ANXA8: variants seen among roughly 807,000 people sequenced by gnomAD.
The protein encoded by ANXA8 is VAC-beta.
ANXA8 carries 9 observed loss-of-function variants against 26.8 expected under a neutral mutation model. The ratio of observed to expected loss-of-function variants is 0.34; its 90% CI spans 0.20 to 0.59. The LOEUF is 0.59. Ranked by LOEUF, ANXA8 falls within the 20% of genes least tolerant of loss-of-function variation. ANXA8 has a pLI of 0.84. For synonymous variants in ANXA8, 39 were observed against 94.8 expected, an observed-to-expected ratio of 0.41 and a Z score of 3.42; for missense variants, 83 against 238.5, an observed-to-expected ratio of 0.35 and a Z score of 4.29.
At chr10:47,695,701 C>A in the ANXA8 span, among the ~76,000 whole-genome samples, 1 of 151,614 alleles carries the variant, frequency 6.6e-6, no homozygotes, top group African/African-American at 2.4e-5. Flanking sequence ...ACGTTTATAC[C>A]TCTGACACTG....
the ANXA8 span, among the ~76,000 whole-genome samples, chr10:47,897,024 G>A: frequency 2.3e-5 from 3 of 132,276 alleles, no homozygotes; most frequent in South Asian, 2.6e-4. Context: ...TCTGTCTCCC[G>A]GGTTCAAGCG....
chr10:47,510,259 G>A, the ANXA8 span: 15 of 1,350,488 alleles, frequency 1.1e-5, 2 homozygotes, highest in African/African-American at 3.3e-5. Flanking sequence ...TGACTGAAAC[G>A]CTCAGTAGAT....
chr10:47,543,874 C>A, the ANXA8 span, among the ~76,000 whole-genome samples: 1 of 139,218 alleles, frequency 7.2e-6, no homozygotes, highest in African/African-American at 2.8e-5. Context: ...ACATTCATTC[C>A]ATAAGACACC....
At chr10:47,777,556 G>C in the ANXA8 span, among the ~76,000 whole-genome samples, 32 of 152,318 alleles carry the variant, frequency 2.1e-4, no homozygotes, top group East Asian at 5.6e-3. Flanking sequence ...GATAAACATG[G>C]TGGGAAACCT....
the ANXA8 span, among the ~76,000 whole-genome samples, chr10:47,671,403 C>T: frequency 6.6e-6 from 1 of 151,804 alleles, no homozygotes; most frequent in African/African-American, 2.4e-5. Context: ...GCCTGGGCAA[C>T]AGGACAAGAC....
At chr10:47,951,676 T>C in the ANXA8 span, among the ~76,000 whole-genome samples, 1 of 150,060 alleles carries the variant, frequency 6.7e-6, no homozygotes, top group Non-Finnish European at 1.5e-5. Context: ...CTGGGTGTGG[T>C]GGTGTACGCA....
the ANXA8 span, among the ~76,000 whole-genome samples, chr10:47,942,676 C>A: frequency 7.0e-6 from 1 of 142,162 alleles, no homozygotes; most frequent in Non-Finnish European, 1.5e-5. Context: ...TTGCTGGGGA[C>A]CTACTCCTCT....
At chr10:47,488,162 C>T (rs1428837781), upstream of ANXA8, among the ~76,000 whole-genome samples, 1 of 132,710 alleles carries the variant, frequency 7.5e-6, no homozygotes, top group Non-Finnish European at 1.6e-5. Flanking sequence ...TTCCCATCCT[C>T]CAGGAGTGTG....
At chr10:47,583,827 G>A in the ANXA8 span, among the ~76,000 whole-genome samples, 49 of 142,302 alleles carry the variant, frequency 3.4e-4, no homozygotes, top group African/African-American at 1.3e-3. Context: ...GCAAAGGTGC[G>A]GCTGGCTGGA....
chr10:47,929,907 T>C, the ANXA8 span, among the ~76,000 whole-genome samples: 1 of 152,010 alleles, frequency 6.6e-6, no homozygotes, highest in Non-Finnish European at 1.5e-5. Flanking sequence ...ACTAGTCAGG[T>C]GCCTCTACAA....
the ANXA8 span, among the ~76,000 whole-genome samples, chr10:47,597,322 G>A: frequency 1.3e-5 from 2 of 149,184 alleles, no homozygotes. Flanking sequence ...GCAAAAGTTG[G>A]AAGAATTCCC....
the ANXA8 span, among the ~76,000 whole-genome samples, chr10:47,960,489 G>T: frequency 6.7e-6 from 1 of 149,472 alleles, no homozygotes; most frequent in Non-Finnish European, 1.5e-5. Flanking sequence ...CACCTTGGGG[G>T]AACTCTCATG....
the ANXA8 span, among the ~76,000 whole-genome samples, chr10:47,588,316 C>CGGTA: frequency 9.2e-6 from 1 of 109,052 alleles, no homozygotes; most frequent in African/African-American, 5.4e-5. Context: ...CACTGGTCAG[C>CGGTA]GGTACTACAA....
At chr10:47,647,804 C>T in the ANXA8 span, among the ~76,000 whole-genome samples, 1 of 151,996 alleles carries the variant, frequency 6.6e-6, no homozygotes, top group Admixed American at 6.5e-5. Context: ...AGTATGAATA[C>T]TACACTATGA....
chr10:47,578,187 G>A, the ANXA8 span, among the ~76,000 whole-genome samples: 9 of 52,006 alleles, frequency 1.7e-4, 4 homozygotes, highest in East Asian at 8.3e-4. Flanking sequence ...GTGATGGCAC[G>A]TGCCTGTAAT....
the ANXA8 span, among the ~76,000 whole-genome samples, chr10:47,699,718 T>C: frequency 1.3e-5 from 2 of 151,344 alleles, no homozygotes; most frequent in Admixed American, 6.6e-5. Flanking sequence ...GTCCCAGCTG[T>C]TTGGGAGGCT....
At chr10:47,668,258 G>A in the ANXA8 span, among the ~76,000 whole-genome samples, 2 of 150,978 alleles carry the variant, frequency 1.3e-5, no homozygotes, top group Admixed American at 1.3e-4. Context: ...TTTAATTTCC[G>A]AGAGCTCTTT....
the ANXA8 span, among the ~76,000 whole-genome samples, chr10:47,947,805 T>A: frequency 4.7e-5 from 7 of 150,412 alleles, no homozygotes; most frequent in Middle Eastern, 3.4e-3. Flanking sequence ...TATAGCAGTG[T>A]GAGAACAGAT....
the ANXA8 span, among the ~76,000 whole-genome samples, chr10:47,918,356 GGAGAGAGAGAGA>G: frequency 2.4e-3 from 43 of 17,738 alleles, 8 homozygotes; most frequent in Admixed American, 8.7e-3. Flanking sequence ...GGGGAGGGAG[GGAGAGAGAGAGA>G]GAGAGAGAGA....
Sources: allele counts gnomAD v4.1 joint callset (sites outside exome capture counted in the v4.1 genomes callset), GRCh38; gene constraint gnomAD v4.1.1; transcripts MANE v1.5; gene names NCBI Gene and HGNC (gene_info 2026-07-23, HGNC 2026-07-21).